The following SPECC1L variants were observed in gnomAD, a reference collection of about 807,000 sequenced individuals.
The protein encoded by SPECC1L is sperm antigen with calponin homology and coiled-coil domains 1 like, also known as cytospin-A.
A neutral mutation model predicts 116.8 loss-of-function variants in SPECC1L; 40 were observed. That is an observed-to-expected ratio of 0.34 (90% CI 0.27 to 0.45). SPECC1L has a LOEUF of 0.45. SPECC1L is among the 20% of genes least tolerant of loss of function. The pLI is 1.00. For synonymous variants in SPECC1L, 504 were observed against 500.6 expected, an observed-to-expected ratio of 1.01 and a Z score of -0.09; for missense variants, 1,110 against 1,373.6, an observed-to-expected ratio of 0.81 and a Z score of 3.03.
chr22:24,416,692 C>T lies in SPECC1L; in HGVS notation c.*2069C>T. ...CTGCAGTTCCCAACTTTATCCCTTG[C>T]TGGCCATGCGAGCCCAGCCCTGGTG... On this transcript the variant is annotated 3_prime_UTR_variant, in exon 17 of 17. Transcript: ENST00000314328. 1 of 152,414 alleles carries T rather than the reference C, an allele frequency of 6.6e-6. No individual in the cohort carries two copies. The allele number at this position is 152,414 out of a possible 1,614,324, so 9.4% of individuals were successfully genotyped here.
At chr22:24,385,790 G>A (rs1354885465) in intron 14 of SPECC1L, among the ~76,000 whole-genome samples, 2 of 152,134 alleles carry the variant, frequency 1.3e-5, no homozygotes, top group Non-Finnish European at 2.9e-5. Context: ...AGGCGAAATA[G>A]GCATATTTGG....
intron 14 of SPECC1L, among the ~76,000 whole-genome samples, chr22:24,375,764 G>A (rs1290927224): frequency 6.6e-6 from 1 of 152,102 alleles, no homozygotes; most frequent in Non-Finnish European, 1.5e-5. Flanking sequence ...GACCAGCCTA[G>A]GCAACATGCA....
chr22:24,375,151 CAAAT>C, intron 14 of SPECC1L, among the ~76,000 whole-genome samples: 1 of 152,196 alleles, frequency 6.6e-6, no homozygotes, highest in African/African-American at 2.4e-5. Flanking sequence ...TCTGGAGAGA[CAAAT>C]AACAACTAAT....
intron 14 of SPECC1L, among the ~76,000 whole-genome samples, chr22:24,411,361 T>C (rs2042694229): frequency 1.3e-5 from 2 of 152,272 alleles, no homozygotes; most frequent in South Asian, 4.1e-4. Flanking sequence ...CCACGTGTTA[T>C]ACCAGGCCCA....
At chr22:24,376,306 G>A (rs2041971189) in intron 14 of SPECC1L, among the ~76,000 whole-genome samples, 1 of 152,160 alleles carries the variant, frequency 6.6e-6, no homozygotes, top group African/African-American at 2.4e-5. Context: ...GACTACAGGT[G>A]TAGGCCATCA....
At chr22:24,379,773 C>T (rs1196954365) in intron 14 of SPECC1L, among the ~76,000 whole-genome samples, 1 of 152,190 alleles carries the variant, frequency 6.6e-6, no homozygotes, top group African/African-American at 2.4e-5. Flanking sequence ...AGACAGATAT[C>T]TATCTGTTCC....
At chr22:24,372,687 T>G (rs550920154) in intron 14 of SPECC1L, among the ~76,000 whole-genome samples, 6,379 of 152,002 alleles carry the variant, frequency 0.042, 452 homozygotes, top group African/African-American at 0.15. Flanking sequence ...GGGTAAAAAC[T>G]GGAAGCGTTC....
At chr22:24,283,147 C>T (rs551124340) in intron 2 of SPECC1L, among the ~76,000 whole-genome samples, 3 of 152,012 alleles carry the variant, frequency 2.0e-5, no homozygotes, top group East Asian at 1.9e-4. Flanking sequence ...AGTTCTACCT[C>T]GGCTCACTGC....
chr22:24,359,062 CCTTT>C (rs1223075750), intron 11 of SPECC1L, among the ~76,000 whole-genome samples: 2 of 152,132 alleles, frequency 1.3e-5, no homozygotes, highest in Non-Finnish European at 2.9e-5. Flanking sequence ...CCGGCGAGCT[CCTTT>C]CTGTCATTTA....
At chr22:24,296,265 A>C (rs926314573) in intron 2 of SPECC1L, among the ~76,000 whole-genome samples, 2 of 152,236 alleles carry the variant, frequency 1.3e-5, no homozygotes, top group Non-Finnish European at 2.9e-5. Flanking sequence ...GTGAGGATCC[A>C]GTGAACTGTA....
chr22:24,330,836 C>T (rs1167396523), intron 8 of SPECC1L, among the ~76,000 whole-genome samples: 2 of 152,170 alleles, frequency 1.3e-5, no homozygotes, highest in Non-Finnish European at 2.9e-5. Context: ...ATCTTGACTT[C>T]CCTGAGCCTC....
At chr22:24,326,979 T>A (rs1277764780) in intron 6 of SPECC1L, among the ~76,000 whole-genome samples, 2 of 152,116 alleles carry the variant, frequency 1.3e-5, no homozygotes, top group Non-Finnish European at 2.9e-5. Context: ...TTCATGCCAT[T>A]TAAAAATACC....
intron 2 of SPECC1L, among the ~76,000 whole-genome samples, chr22:24,278,345 A>G (rs1476070409): frequency 1.3e-5 from 2 of 152,220 alleles, no homozygotes; most frequent in African/African-American, 4.8e-5. Flanking sequence ...TGGGTGTCAG[A>G]GCAAGACTCC....
intron 14 of SPECC1L, among the ~76,000 whole-genome samples, chr22:24,382,506 C>T (rs1027347151): frequency 1.3e-5 from 2 of 151,898 alleles, no homozygotes; most frequent in Non-Finnish European, 2.9e-5. Flanking sequence ...AGATCGAGAC[C>T]ATCCTGGCTA....
At chr22:24,407,196 C>T (rs2042608698) in intron 14 of SPECC1L, among the ~76,000 whole-genome samples, 2 of 152,218 alleles carry the variant, frequency 1.3e-5, no homozygotes, top group East Asian at 3.8e-4. Flanking sequence ...TTGGGCTTTA[C>T]TTGTATTGAT....
intron 11 of SPECC1L, among the ~76,000 whole-genome samples, 162 bp downstream of exon 11, chr22:24,347,338 G>T (rs924579143): frequency 6.6e-6 from 1 of 152,104 alleles, no homozygotes; most frequent in Non-Finnish European, 1.5e-5. Context: ...AATTACAAGT[G>T]GGGAAAGTAG....
chr22:24,382,663 C>T (rs988315816), intron 14 of SPECC1L, among the ~76,000 whole-genome samples: 1 of 148,614 alleles, frequency 6.7e-6, no homozygotes, highest in African/African-American at 2.5e-5. Context: ...GATCATGCCG[C>T]CACTGCACTC....
chr22:24,320,989 G>A (rs1273037241), intron 4 of SPECC1L, among the ~76,000 whole-genome samples: 3 of 152,150 alleles, frequency 2.0e-5, no homozygotes, highest in East Asian at 1.9e-4. Flanking sequence ...TCAAGTTAAT[G>A]TATATCATTT....
intron 12 of SPECC1L, among the ~76,000 whole-genome samples, chr22:24,365,036 C>G (rs931279139): frequency 1.3e-5 from 2 of 152,092 alleles, no homozygotes; most frequent in African/African-American, 4.8e-5. Context: ...GATGGAGTCT[C>G]TCTCTGTCGC....
Sources: allele counts gnomAD v4.1 joint callset (sites outside exome capture counted in the v4.1 genomes callset), GRCh38; gene constraint gnomAD v4.1.1; transcripts MANE v1.5; gene names NCBI Gene and HGNC (gene_info 2026-07-23, HGNC 2026-07-21).